The following HPCAL1 variants were observed in gnomAD, a reference collection of about 807,000 sequenced individuals.
HPCAL1 encodes the protein hippocalcin like 1.
A neutral mutation model predicts 17.1 loss-of-function variants in HPCAL1; 8 were observed. The ratio of observed to expected loss-of-function variants is 0.47; its 90% CI spans 0.27 to 0.84. The LOEUF (loss-of-function observed/expected upper bound fraction) is 0.84, where lower values mean the gene tolerates loss of function less well. Among genes scored for constraint, HPCAL1 ranks in the 40% least tolerant of loss-of-function variants. The probability of loss-of-function intolerance (pLI) is 0.13; values close to 1 mark genes in which losing one functional copy is unlikely to be tolerated. For synonymous variants in HPCAL1, 112 were observed against 111.4 expected, an observed-to-expected ratio of 1.01 and a Z score of -0.03; for missense variants, 165 against 271.1, an observed-to-expected ratio of 0.61 and a Z score of 2.75.
At chr2:10,332,421 G>T (rs956117233) in intron 1 of HPCAL1, among the ~76,000 whole-genome samples, 1 of 152,138 alleles carries the variant, frequency 6.6e-6, no homozygotes. Flanking sequence ...GCCCCTCTGC[G>T]GTTCTCAGGA....
intron 1 of HPCAL1, among the ~76,000 whole-genome samples, chr2:10,340,151 A>G (rs1240584488): frequency 6.6e-6 from 1 of 152,182 alleles, no homozygotes; most frequent in South Asian, 2.1e-4. Flanking sequence ...GCTCCTCCCC[A>G]CAACAAAGCG....
At position 10,399,235 on chromosome 2, in the gene HPCAL1, C is replaced by CCAT. The variant is rs1558517466; in HGVS notation, c.-25+2317_-25+2318insTCA. On this transcript the variant is annotated intron_variant, in intron 2 of 4. Coordinates refer to ENST00000307845, the MANE Select transcript of HPCAL1 (RefSeq NM_002149.4). ...ACCACCACCACCACCACCACCACCA[C>CCAT]CACCATCACCACCACCACCACCACC... is the stretch of plus-strand genomic sequence containing the variant. Among the ~76,000 whole-genome samples the CCAT allele has an allele frequency of 8.7e-4, 71 of 82,028 alleles. 6 individuals are homozygous for CCAT. Among genetic ancestry groups the CCAT allele is most frequent in the African/African-American group, 3.1e-3 (69 of 22,058 alleles). 53.8% of individuals were successfully genotyped at this position (82,028 alleles called of 152,430 possible).
At chr2:10,339,921 G>GTCCTACTGGGCATCACAGGT (rs1225154761) in intron 1 of HPCAL1, among the ~76,000 whole-genome samples, 1 of 152,218 alleles carries the variant, frequency 6.6e-6, no homozygotes, top group Non-Finnish European at 1.5e-5. Context: ...TCTCCCTGTG[G>GTCCTACTGGGCATCACAGGT]TCCTACTGGG....
chr2:10,418,548 A>G (rs1006831534), intron 2 of HPCAL1, among the ~76,000 whole-genome samples: 3 of 151,468 alleles, frequency 2.0e-5, no homozygotes, highest in African/African-American at 7.3e-5. Flanking sequence ...CATAATGGAG[A>G]GCTGGTGCCT....
chr2:10,351,222 A>C (rs1467510268), intron 1 of HPCAL1, among the ~76,000 whole-genome samples: 2 of 152,390 alleles, frequency 1.3e-5, no homozygotes, highest in South Asian at 2.1e-4. Context: ...ATCACTGAGC[A>C]GTAAAAGGAA....
At position 10,420,038 on chromosome 2, in the gene HPCAL1, G is replaced by A; in HGVS notation, c.281G>A (p.Arg94Gln). Residue 94 changes from arginine (R) to glutamine (Q), a missense_variant, in exon 3 of 5, where the codon CGG becomes CAG. Physicochemically the swap from Arg to Gln is conservative, Grantham distance 43 (BLOSUM62 1). Coordinates refer to ENST00000307845, the MANE Select transcript of HPCAL1 (RefSeq NM_002149.4). Reference protein sequence around the residue: ...EFIIALSVTSRGKLEQKLKWA... With the variant: ...EFIIALSVTSQGKLEQKLKWA... ...ATCATTGCGCTGAGCGTGACCTCGC[G>A]GGGCAAGCTGGAGCAGAAGCTCAAG... The A allele has an allele frequency of 6.2e-7, 1 of 1,613,902 alleles. No individual in the cohort carries two copies. Among genetic ancestry groups the A allele is most frequent in the Non-Finnish European group, 8.5e-7 (1 of 1,180,026 alleles).
intron 1 of HPCAL1, among the ~76,000 whole-genome samples, chr2:10,318,572 T>C (rs189315343): frequency 3.0e-4 from 46 of 152,290 alleles, no homozygotes; most frequent in African/African-American, 1.1e-3. Context: ...GTGAGGAAAG[T>C]GACAGACTCC....
rs1389609933 is a variant in HPCAL1 at position 10,312,175 on chromosome 2, AT to A, written c.-111+8999del. ...CATCATCATCACTATCATCCCCACC[AT>A]CATCACCATCACCATCATCATCACT... On this transcript the variant is annotated intron_variant, in intron 1 of 4. Transcript: ENST00000307845. Among the ~76,000 whole-genome samples the A allele has an allele frequency of 3.4e-5, 5 of 147,392 alleles. 1 individual carries two copies. Among genetic ancestry groups the A allele is most frequent in the African/African-American group, 1.3e-4 (5 of 39,526 alleles).
At position 10,354,824 on chromosome 2, in the gene HPCAL1, G is replaced by A. The variant is rs921337764; in HGVS notation, c.-110-42011G>A. Among the ~76,000 whole-genome samples, 12 of 152,218 alleles carry A rather than the reference G, an allele frequency of 7.9e-5. No homozygotes were observed. In the South Asian group the frequency reaches 1.0e-3, roughly 13 times the overall value. On this transcript the variant is annotated intron_variant, in intron 1 of 4. Transcript: ENST00000307845. This position sits in a 1 kb window ranked among gnomAD's most constrained non-coding sequence, Gnocchi z 5.1. ...TCTGATCTTAAATACACAGCCCTGC[G>A]TGCTGACCTTGTGTTAGAACTTAAT...
chr2:10,355,042 G>A (rs1666056158), intron 1 of HPCAL1, among the ~76,000 whole-genome samples: 1 of 152,220 alleles, frequency 6.6e-6, no homozygotes, highest in South Asian at 2.1e-4. Context: ...AAGCAAAGTG[G>A]GCATGTGTAC....
rs1283633386 is a variant in HPCAL1, at chr2:10,419,488, C to G, written c.-24-246C>G. On this transcript the variant is annotated intron_variant, in intron 2 of 4. Transcript: ENST00000307845. This position sits in a 1 kb window ranked among gnomAD's most constrained non-coding sequence, Gnocchi z 5.0. ...TGATTTTAAGTTGCATTTTCCCCCC[C>G]GCATTTCCACATTCTCCAAGTGAGA... is the stretch of plus-strand genomic sequence containing the variant. Among the ~76,000 whole-genome samples, 3 of 151,976 alleles carry G rather than the reference C, an allele frequency of 2.0e-5. No individual in the cohort carries two copies. Among genetic ancestry groups the G allele is most frequent in the Non-Finnish European group, 4.4e-5 (3 of 68,018 alleles).
intron 1 of HPCAL1, among the ~76,000 whole-genome samples, chr2:10,392,772 C>G (rs1668786988): frequency 6.6e-6 from 1 of 152,198 alleles, no homozygotes; most frequent in Non-Finnish European, 1.5e-5. Flanking sequence ...AGCCATGCAG[C>G]CCCTGGCCTT....
At chr2:10,340,410 C>T (rs967076410) in intron 1 of HPCAL1, among the ~76,000 whole-genome samples, 2 of 152,196 alleles carry the variant, frequency 1.3e-5, no homozygotes, top group Non-Finnish European at 2.9e-5. Context: ...AACATGTTTT[C>T]CAGGGACTGG....
intron 1 of HPCAL1, chr2:10,324,247 T>C (rs1048673467): frequency 1.3e-5 from 2 of 152,240 alleles, no homozygotes. Context: ...AATGCCAAAG[T>C]TGTTAAGGCT....
chr2:10,407,297 G>C (rs573180131), intron 2 of HPCAL1, among the ~76,000 whole-genome samples: 1 of 152,274 alleles, frequency 6.6e-6, no homozygotes, highest in East Asian at 1.9e-4. Context: ...CTGAGCAGGA[G>C]AGCACTTGAC....
chr2:10,396,628 T>C (rs2270301), intron 1 of HPCAL1, among the ~76,000 whole-genome samples: 54,953 of 152,196 alleles, frequency 0.36, 10,268 homozygotes, highest in South Asian at 0.5. Flanking sequence ...CCTGGGCTTC[T>C]CGCCTGCTGG....
chr2:10,336,513 CTG>C (rs1163815702), intron 1 of HPCAL1, among the ~76,000 whole-genome samples: 4 of 152,194 alleles, frequency 2.6e-5, no homozygotes, highest in Non-Finnish European at 5.9e-5. Flanking sequence ...AGGAACATGA[CTG>C]TGTGTCGGTC....
At chr2:10,328,349 C>T (rs1026973572) in intron 1 of HPCAL1, among the ~76,000 whole-genome samples, 4 of 152,196 alleles carry the variant, frequency 2.6e-5, no homozygotes, top group Non-Finnish European at 5.9e-5. Context: ...GTTTGCTGAC[C>T]TATGTGATGG....
At chr2:10,306,788 T>G in intron 1 of HPCAL1, among the ~76,000 whole-genome samples, 1 of 152,190 alleles carries the variant, frequency 6.6e-6, no homozygotes, top group East Asian at 1.9e-4. Context: ...CAGTAAATCC[T>G]TTAAAGAGCC....
Sources: allele counts gnomAD v4.1 joint callset (sites outside exome capture counted in the v4.1 genomes callset), GRCh38; gene constraint gnomAD v4.1.1; non-coding constraint Gnocchi (gnomAD v3.1); transcripts MANE v1.5; gene names NCBI Gene and HGNC (gene_info 2026-07-23, HGNC 2026-07-21).